Variants in HIPK3 observed in about 807,000 individuals in gnomAD.
The protein encoded by HIPK3 is homeodomain interacting protein kinase 3.
In HIPK3, 47 loss-of-function variants were observed where a neutral mutation model predicts 124.2. The ratio of observed to expected loss-of-function variants is 0.38; its 90% CI spans 0.30 to 0.48. The LOEUF (loss-of-function observed/expected upper bound fraction) is 0.48, where lower values mean the gene tolerates loss of function less well. Among genes scored for constraint, HIPK3 ranks in the 20% least tolerant of loss-of-function variants. HIPK3 has a pLI of 0.98. For synonymous variants in HIPK3, 482 were observed against 515.2 expected (o/e 0.94, Z 0.87); for missense variants, 1,286 against 1,454.3 (o/e 0.88, Z 1.88).
intron 1 of HIPK3, among the ~76,000 whole-genome samples, chr11:33,260,217 T>C (rs1452264659): frequency 6.6e-6 from 1 of 152,202 alleles, no homozygotes; most frequent in African/African-American, 2.4e-5. Context: ...ATTACAGACG[T>C]AGGTTGCTGT....
At chr11:33,352,398 A>G (rs1853689912) in intron 16 of HIPK3, 133 bp downstream of exon 16, 4 of 905,812 alleles carry the variant, frequency 4.4e-6, no homozygotes, top group Non-Finnish European at 6.8e-6. Flanking sequence ...CCAAGTGGCT[A>G]AAGAGTAACT....
chr11:33,328,556 A>C lies in HIPK3; in HGVS notation c.1144A>C (p.Met382Leu). 3 of 1,613,350 alleles carry C rather than the reference A, an allele frequency of 1.9e-6. No homozygotes were observed. The highest frequency in any genetic ancestry group is 1.1e-5 in the South Asian group (1 of 91,066). The change falls in exon 3 of 17, where the codon ATG becomes CTG. Residue 382 changes from methionine to leucine, a missense_variant. Met to Leu is a conservative substitution (Grantham distance 15). Transcript: ENST00000303296. ...GTTGCCATTTTGTGAAGCCATAGACATGTGGTCATTGGGATGTGTGATTGC... is the reference window on the plus strand; with the variant it reads ...GTTGCCATTTTGTGAAGCCATAGACCTGTGGTCATTGGGATGTGTGATTGC... ...LGLPFCEAIDMWSLGCVIAEL... is the reference protein window; with the variant it reads ...LGLPFCEAIDLWSLGCVIAEL...
chr11:33,260,173 C>CTTA (rs1565049460), intron 1 of HIPK3, among the ~76,000 whole-genome samples: 1 of 152,118 alleles, frequency 6.6e-6, no homozygotes, highest in African/African-American at 2.4e-5. Flanking sequence ...AGATCATACT[C>CTTA]TTAACTTTTT....
chr11:33,259,077 GAC>G (rs1452067959), intron 1 of HIPK3, among the ~76,000 whole-genome samples: 1 of 152,162 alleles, frequency 6.6e-6, no homozygotes, highest in African/African-American at 2.4e-5. Context: ...GAGATCTGCT[GAC>G]ACTTTTTCCC....
At chr11:33,332,252 T>A (rs1853008670) in intron 3 of HIPK3, among the ~76,000 whole-genome samples, 1 of 152,234 alleles carries the variant, frequency 6.6e-6, no homozygotes, top group Admixed American at 6.5e-5. Flanking sequence ...ATTTATAATT[T>A]CATATTTTCT....
chr11:33,286,340 G>T (rs1328298433), intron 1 of HIPK3, 73 bp from the exon 2 acceptor site: 1 of 1,270,862 alleles, frequency 7.9e-7, no homozygotes, highest in South Asian at 2.1e-5. Context: ...ATTTAAAATT[G>T]AAAAAAAAAT....
rs572688255 is a variant in HIPK3 at position 33,356,563 on chromosome 11, T to G, written c.*2995T>G. ...AATATGTTACTGTATTAGCAAAACA[T>G]TTTCATTTTTAAAATCTGCTAATTT... On this transcript the variant is annotated 3_prime_UTR_variant, in exon 17 of 17. Transcript: ENST00000303296. 6.6e-6 allele frequency: 1 copy of G among 152,162 alleles called. No homozygotes were observed. The highest frequency in any genetic ancestry group is 1.9e-4 in the East Asian group (1 of 5,190). The allele number at this position is 152,162 out of a possible 1,614,324, so 9.4% of individuals were successfully genotyped here.
At chr11:33,318,662 G>A (rs1184725268) in intron 2 of HIPK3, among the ~76,000 whole-genome samples, 1 of 152,108 alleles carries the variant, frequency 6.6e-6, no homozygotes, top group Non-Finnish European at 1.5e-5. Flanking sequence ...TTTAAAAAAT[G>A]CCAGCAAAAT....
intron 2 of HIPK3, among the ~76,000 whole-genome samples, chr11:33,292,636 T>C (rs1048046470): frequency 1.3e-5 from 2 of 152,216 alleles, no homozygotes; most frequent in African/African-American, 4.8e-5. Context: ...GTGATTTCTT[T>C]TGTATATCAT....
In HIPK3 at chr11:33,271,392, C is replaced by T. The variant is rs191199523; in HGVS notation, c.-3+13503C>T. Among the ~76,000 whole-genome samples the T allele has an allele frequency of 2.1e-4, 32 of 152,122 alleles. 1 individual carries two copies. Among genetic ancestry groups the T allele is most frequent in the East Asian group, 7.7e-4 (4 of 5,180 alleles). ...AGTTTGAGACCAGCCATGGTGAGACCTCATCCTAACAAAAATACAAAAAAT... is the reference window on the plus strand; with the variant it reads ...AGTTTGAGACCAGCCATGGTGAGACTTCATCCTAACAAAAATACAAAAAAT... On this transcript the variant is annotated intron_variant, in intron 1 of 16. Coordinates refer to ENST00000303296, the MANE Select transcript of HIPK3 (RefSeq NM_005734.5).
chr11:33,320,527 A>G (rs552563515), intron 2 of HIPK3, among the ~76,000 whole-genome samples: 1 of 152,354 alleles, frequency 6.6e-6, no homozygotes, highest in South Asian at 2.1e-4. Context: ...GGTAGAGGAT[A>G]AGGACAGAAG....
intron 2 of HIPK3, among the ~76,000 whole-genome samples, chr11:33,303,323 G>GA (rs36100597): frequency 6.6e-6 from 1 of 152,034 alleles, no homozygotes; most frequent in Non-Finnish European, 1.5e-5. Flanking sequence ...TATTTACAAG[G>GA]AAAAAAAGTC....
chr11:33,286,553 G>A lies in HIPK3; in HGVS notation c.139G>A (p.Gly47Ser). The A allele has an allele frequency of 1.2e-6, 2 of 1,613,942 alleles. No individual in the cohort carries two copies. The highest frequency in any genetic ancestry group is 1.7e-6 in the Non-Finnish European group (2 of 1,179,990). Reference protein sequence around the residue: ...ERNYPRTYVNGRNFGNSHPPT... With the variant: ...ERNYPRTYVNSRNFGNSHPPT... Reference sequence around the variant, plus strand: ...AAACTATCCACGGACCTATGTGAATGGTAGAAACTTTGGAAATTCTCATCC... The same window carrying A: ...AAACTATCCACGGACCTATGTGAATAGTAGAAACTTTGGAAATTCTCATCC... The change falls in exon 2 of 17, where the codon GGT becomes AGT. Residue 47 changes from glycine to serine, a missense_variant. This residue lies in a region of HIPK3 where 225 missense variants were observed against 240.3 expected (regional missense o/e 0.94). Transcript: ENST00000303296.
chr11:33,264,696 T>G (rs1850909976), intron 1 of HIPK3, among the ~76,000 whole-genome samples: 2 of 152,236 alleles, frequency 1.3e-5, no homozygotes, highest in South Asian at 2.1e-4. Flanking sequence ...AAACAAAAAA[T>G]GTTTATTTCA....
At chr11:33,289,240 G>A (rs1367723436) in intron 2 of HIPK3, among the ~76,000 whole-genome samples, 1 of 151,980 alleles carries the variant, frequency 6.6e-6, no homozygotes, top group East Asian at 1.9e-4. Context: ...ACGAGTTTAA[G>A]ATCAGCCTGG....
chr11:33,301,688 G>T (rs1852003663), intron 2 of HIPK3, among the ~76,000 whole-genome samples: 1 of 151,788 alleles, frequency 6.6e-6, no homozygotes, highest in Admixed American at 6.6e-5. Context: ...GGAGGCTGAG[G>T]TGTGAGGATC....
At chr11:33,325,682 ATTT>A (rs766557343) in intron 2 of HIPK3, among the ~76,000 whole-genome samples, 2 of 152,300 alleles carry the variant, frequency 1.3e-5, no homozygotes, top group South Asian at 4.1e-4. Context: ...GAAATGATTT[ATTT>A]GAGAAATGTT....
rs576002296 is a variant in HIPK3 at position 33,347,514 on chromosome 11, C to T, written c.2019+100C>T. The T allele has an allele frequency of 5.7e-6, 9 of 1,576,308 alleles. No individual in the cohort carries two copies. The Admixed American group carries it at 1.1e-4, about 19-fold the overall frequency. ...TTTAATCCATTTTGTAGGTTATGGACTTTAATGTTTATAATTGTTAGCTGT... is the reference window on the plus strand; with the variant it reads ...TTTAATCCATTTTGTAGGTTATGGATTTTAATGTTTATAATTGTTAGCTGT... On this transcript the variant is annotated intron_variant, in intron 9 of 16. Coordinates refer to ENST00000303296, the MANE Select transcript of HIPK3 (RefSeq NM_005734.5).
intron 8 of HIPK3, 95 bp from the exon 9 acceptor site, chr11:33,347,198 T>A: frequency 1.6e-6 from 2 of 1,243,498 alleles, no homozygotes; most frequent in East Asian, 2.7e-5. Context: ...AAAAAATCTG[T>A]CAGAATCTAA....
Sources: allele counts gnomAD v4.1 joint callset (sites outside exome capture counted in the v4.1 genomes callset), GRCh38; gene constraint gnomAD v4.1.1; regional missense constraint gnomAD v4.1.1; transcripts MANE v1.5; gene names NCBI Gene and HGNC (gene_info 2026-07-23, HGNC 2026-07-21).